Variants in TMEM108 observed in about 807,000 individuals in gnomAD.
TMEM108 encodes the protein transmembrane protein 108, also known as cancer/testis antigen 124.
Under a neutral mutation model 35.1 loss-of-function variants are expected in TMEM108, and 12 were observed. The ratio of observed to expected loss-of-function variants is 0.34; its 90% CI spans 0.22 to 0.55. The LOEUF is 0.55. Ranked by LOEUF, TMEM108 falls within the 20% of genes least tolerant of loss-of-function variation. The probability of loss-of-function intolerance (pLI) is 0.89; values close to 1 mark genes in which losing one functional copy is unlikely to be tolerated. For missense variants in TMEM108, 680 were observed against 753.3 expected (o/e 0.90, Z 1.14); for synonymous variants, 287 against 308.6 (o/e 0.93, Z 0.73).
chr3:133,288,459 G>A (rs1030739008), intron 3 of TMEM108, among the ~76,000 whole-genome samples: 5 of 152,284 alleles, frequency 3.3e-5, no homozygotes, highest in African/African-American at 7.2e-5. Context: ...AACATAATGT[G>A]TTCTCCATGG....
chr3:133,080,668 G>GT (rs200695787), intron 2 of TMEM108, among the ~76,000 whole-genome samples: 26 of 150,864 alleles, frequency 1.7e-4, no homozygotes, highest in East Asian at 9.7e-4. Flanking sequence ...CTCATATATT[G>GT]TTTTTTTTTA....
chr3:133,115,818 G>A (rs1406206336), intron 2 of TMEM108, among the ~76,000 whole-genome samples: 1 of 152,192 alleles, frequency 6.6e-6, no homozygotes, highest in African/African-American at 2.4e-5. Flanking sequence ...AGCTGTTGCT[G>A]TCCCTGTTAT....
At chr3:133,325,251 AT>A (rs1183766608) in intron 3 of TMEM108, among the ~76,000 whole-genome samples, 4 of 152,202 alleles carry the variant, frequency 2.6e-5, no homozygotes, top group African/African-American at 9.6e-5. Context: ...TAGACATCAT[AT>A]GTTTTCACAA....
chr3:133,258,905 G>A (rs1021887150), intron 3 of TMEM108, among the ~76,000 whole-genome samples: 13 of 152,198 alleles, frequency 8.5e-5, no homozygotes, highest in Admixed American at 2.0e-4. Context: ...ATATAGAAAA[G>A]TGAAATGTAA....
intron 3 of TMEM108, among the ~76,000 whole-genome samples, chr3:133,305,874 A>G (rs1441645433): frequency 6.6e-6 from 1 of 152,092 alleles, no homozygotes; most frequent in Admixed American, 6.5e-5. Flanking sequence ...TTTGCCATCC[A>G]TACGTCTTCT....
chr3:133,179,412 C>T (rs200786639), intron 2 of TMEM108, among the ~76,000 whole-genome samples: 1,646 of 151,886 alleles, frequency 0.011, 46 homozygotes, highest in East Asian at 0.11. Flanking sequence ...AACCCAAATG[C>T]CCAACAATGA....
At chr3:133,279,047 C>T (rs1407012424) in intron 3 of TMEM108, among the ~76,000 whole-genome samples, 2 of 152,212 alleles carry the variant, frequency 1.3e-5, no homozygotes, top group African/African-American at 4.8e-5. Flanking sequence ...TTACTTAAAA[C>T]CAGGCCCTTC....
intron 2 of TMEM108, among the ~76,000 whole-genome samples, chr3:133,082,041 A>G (rs556911796): frequency 2.6e-5 from 4 of 152,234 alleles, no homozygotes; most frequent in South Asian, 4.2e-4. Context: ...CTGTCAGCTA[A>G]CTCTACTCCT....
At chr3:133,364,776 G>C (rs1327440026) in intron 3 of TMEM108, among the ~76,000 whole-genome samples, 1 of 152,242 alleles carries the variant, frequency 6.6e-6, no homozygotes, top group Non-Finnish European at 1.5e-5. Flanking sequence ...ATCTGTGGCA[G>C]ACCTGGTTCC....
chr3:133,376,212 CAG>C (rs1481529687), intron 3 of TMEM108, among the ~76,000 whole-genome samples: 2 of 152,170 alleles, frequency 1.3e-5, no homozygotes, highest in Non-Finnish European at 2.9e-5. Context: ...ATGGGAAAGT[CAG>C]GGGAATTTTT....
intron 3 of TMEM108, among the ~76,000 whole-genome samples, chr3:133,250,518 G>A (rs1217670557): frequency 6.6e-6 from 1 of 152,228 alleles, no homozygotes; most frequent in Non-Finnish European, 1.5e-5. Flanking sequence ...TAGTAGTTAA[G>A]TTTTGGGTGA....
At chr3:133,370,897 TGTGTGTG>T (rs2072644891) in intron 3 of TMEM108, among the ~76,000 whole-genome samples, 1 of 150,738 alleles carries the variant, frequency 6.6e-6, no homozygotes, top group Non-Finnish European at 1.5e-5. Context: ...TGTGTGTGTG[TGTGTGTG>T]TGTGTGTGTG....
intron 2 of TMEM108, among the ~76,000 whole-genome samples, chr3:133,087,862 C>A (rs1237036408): frequency 6.6e-6 from 1 of 152,158 alleles, no homozygotes; most frequent in South Asian, 2.1e-4. Flanking sequence ...ACCCATCATC[C>A]AGGAGGGCAG....
At chr3:133,076,101 A>T (rs1943739605) in intron 2 of TMEM108, among the ~76,000 whole-genome samples, 2 of 152,162 alleles carry the variant, frequency 1.3e-5, no homozygotes, top group African/African-American at 4.8e-5. Flanking sequence ...AGGCAGGAGG[A>T]GGATTTAAGG....
intron 3 of TMEM108, among the ~76,000 whole-genome samples, chr3:133,373,388 A>T (rs1251010723): frequency 5.9e-4 from 2 of 3,412 alleles, no homozygotes; most frequent in Non-Finnish European, 1.2e-3. Flanking sequence ...GATAGATGAT[A>T]GATAGATAGA....
intron 2 of TMEM108, among the ~76,000 whole-genome samples, chr3:133,115,414 T>C (rs1944276173): frequency 6.6e-6 from 1 of 152,218 alleles, no homozygotes; most frequent in South Asian, 2.1e-4. Flanking sequence ...ATTTAATCCT[T>C]AACCCCAAGA....
intron 2 of TMEM108, among the ~76,000 whole-genome samples, chr3:133,214,356 A>G (rs757553158): frequency 1.3e-5 from 2 of 151,998 alleles, no homozygotes; most frequent in Admixed American, 6.5e-5. Context: ...TCTCCTCACA[A>G]ATCTGTGATG....
At chr3:133,371,736 G>T (rs537286407) in intron 3 of TMEM108, among the ~76,000 whole-genome samples, 2 of 152,170 alleles carry the variant, frequency 1.3e-5, no homozygotes, top group South Asian at 2.1e-4. Flanking sequence ...ATGTACTGTG[G>T]TGGTCATTTT....
At chr3:133,134,952 A>G (rs1238355512) in intron 2 of TMEM108, among the ~76,000 whole-genome samples, 1 of 152,058 alleles carries the variant, frequency 6.6e-6, no homozygotes, top group Non-Finnish European at 1.5e-5. Flanking sequence ...TGCTCCTGCT[A>G]TTTTAACAGG....
Sources: allele counts gnomAD v4.1 joint callset (sites outside exome capture counted in the v4.1 genomes callset), GRCh38; gene constraint gnomAD v4.1.1; transcripts MANE v1.5; gene names NCBI Gene and HGNC (gene_info 2026-07-23, HGNC 2026-07-21).